The following PDE1C variants were observed in gnomAD, a reference collection of about 807,000 sequenced individuals.
PDE1C encodes phosphodiesterase 1C.
In PDE1C, 62 loss-of-function variants were observed where a neutral mutation model predicts 93.1. The ratio of observed to expected loss-of-function variants is 0.67; its 90% CI spans 0.54 to 0.82. The LOEUF is 0.82. Ranked by LOEUF, PDE1C falls within the 40% of genes least tolerant of loss-of-function variation. The pLI is 0.00. For missense variants in PDE1C, 742 were observed against 884.6 expected (o/e 0.84, Z 2.04); for synonymous variants, 325 against 310.1 (o/e 1.05, Z -0.50).
At chr7:31,962,222 T>C (rs1297882236) in intron 2 of PDE1C, among the ~76,000 whole-genome samples, 1 of 152,178 alleles carries the variant, frequency 6.6e-6, no homozygotes, top group Admixed American at 6.5e-5. Flanking sequence ...CCAGAGAGCA[T>C]TTCAAAGTAT....
At chr7:32,324,996 C>A (rs1439539837) in intron 1 of PDE1C, among the ~76,000 whole-genome samples, 1 of 152,194 alleles carries the variant, frequency 6.6e-6, no homozygotes, top group Non-Finnish European at 1.5e-5. Context: ...AAGATAGGAG[C>A]ATTTCCTAAA....
the PDE1C span, among the ~76,000 whole-genome samples, chr7:31,702,606 A>G: frequency 6.6e-6 from 1 of 151,910 alleles, no homozygotes; most frequent in Non-Finnish European, 1.5e-5. Flanking sequence ...AATACCCAAA[A>G]CTTTGTCATC....
intron 1 of PDE1C, among the ~76,000 whole-genome samples, chr7:32,244,714 G>A (rs1007386937): frequency 2.0e-5 from 3 of 152,160 alleles, no homozygotes; most frequent in Admixed American, 6.5e-5. Flanking sequence ...ATAAAAGCTC[G>A]TGATGTTCCG....
At chr7:32,326,768 G>T (rs558494264) in intron 1 of PDE1C, among the ~76,000 whole-genome samples, 1 of 152,194 alleles carries the variant, frequency 6.6e-6, no homozygotes, top group African/African-American at 2.4e-5. Context: ...GAGCAATGGG[G>T]TAGCAGCTGA....
At chr7:32,238,232 A>T (rs1808275835) in intron 1 of PDE1C, among the ~76,000 whole-genome samples, 1 of 152,218 alleles carries the variant, frequency 6.6e-6, no homozygotes, top group Admixed American at 6.5e-5. Flanking sequence ...TAACTTTTCA[A>T]ATGACATCTT....
At chr7:32,366,703 T>G (rs952379595) in intron 1 of PDE1C, among the ~76,000 whole-genome samples, 1 of 152,042 alleles carries the variant, frequency 6.6e-6, no homozygotes, top group Non-Finnish European at 1.5e-5. Context: ...GGAATTCCCA[T>G]TAGTCTAACA....
chr7:32,006,197 G>C (rs1430559263), intron 2 of PDE1C, among the ~76,000 whole-genome samples: 1 of 152,102 alleles, frequency 6.6e-6, no homozygotes, highest in South Asian at 2.1e-4. Context: ...ATTTTTTCAG[G>C]TAATTGATTT....
chr7:31,931,614 C>G (rs1216792549), intron 2 of PDE1C, among the ~76,000 whole-genome samples: 1 of 152,158 alleles, frequency 6.6e-6, no homozygotes, highest in Non-Finnish European at 1.5e-5. Context: ...GAAAAACATT[C>G]CATGCTCATG....
chr7:32,137,112 A>C (rs1055550910), intron 3 of PDE1C, among the ~76,000 whole-genome samples: 2 of 152,320 alleles, frequency 1.3e-5, no homozygotes, highest in Admixed American at 6.5e-5. Flanking sequence ...AGACTATCAT[A>C]GTGTTTTTAT....
Position 32,042,584 on chromosome 7 carries a change from T to C in PDE1C, c.128+8970A>G, listed in dbSNP as rs543672343. ...GTAGGGGGCCCTCTGGACATACCTA[T>C]GTGCTTGCCAAAGTTTGTGCTTTAG... On this transcript the variant is annotated intron_variant, in intron 2 of 17. Coordinates refer to ENST00000396191, the MANE Select transcript of PDE1C (RefSeq NM_001191057.4). Among the ~76,000 whole-genome samples, 138 of 152,340 alleles carry C rather than the reference T, an allele frequency of 9.1e-4. 1 individual carries two copies. The highest frequency in any genetic ancestry group is 5.8e-4 in the East Asian group (3 of 5,184).
At chr7:31,982,550 T>A (rs1310868772) in intron 2 of PDE1C, among the ~76,000 whole-genome samples, 1 of 143,864 alleles carries the variant, frequency 7.0e-6, no homozygotes, top group Non-Finnish European at 1.6e-5. Flanking sequence ...TAATTTCCTC[T>A]TTTTTTTTAG....
upstream of PDE1C, among the ~76,000 whole-genome samples, chr7:32,301,525 G>T (rs1359088529): frequency 1.3e-5 from 2 of 152,144 alleles, no homozygotes; most frequent in African/African-American, 2.4e-5. Context: ...CTTCTCCCCA[G>T]AATCATTATC....
chr7:32,116,616 A>G (rs1798998397), intron 3 of PDE1C, among the ~76,000 whole-genome samples: 1 of 152,090 alleles, frequency 6.6e-6, no homozygotes, highest in Non-Finnish European at 1.5e-5. Context: ...CTGATTCACC[A>G]CCTGGGGAGA....
At chr7:31,782,250 T>G (rs561495190) in intron 16 of PDE1C, among the ~76,000 whole-genome samples, 1 of 140,882 alleles carries the variant, frequency 7.1e-6, no homozygotes, top group East Asian at 2.0e-4. Context: ...CAATCCAATG[T>G]TGTGTGAACA....
intron 1 of PDE1C, among the ~76,000 whole-genome samples, chr7:32,342,485 A>G (rs539709978): frequency 4.6e-5 from 7 of 152,312 alleles, no homozygotes; most frequent in African/African-American, 9.6e-5. Flanking sequence ...ATCTAAAGTG[A>G]TATGTTTTTC....
chr7:31,833,719 A>G (rs116928433), intron 11 of PDE1C, among the ~76,000 whole-genome samples: 1,538 of 152,330 alleles, frequency 0.01, 13 homozygotes, highest in Non-Finnish European at 0.018. Flanking sequence ...TCTAAACAGG[A>G]AAACATTCAA....
chr7:31,902,579 A>AT (rs1374657121), intron 2 of PDE1C, among the ~76,000 whole-genome samples: 1 of 151,864 alleles, frequency 6.6e-6, no homozygotes, highest in East Asian at 1.9e-4. Context: ...TATTCATCTA[A>AT]TAAAATAAAT....
chr7:31,699,479 T>A, the PDE1C span, among the ~76,000 whole-genome samples: 1 of 152,206 alleles, frequency 6.6e-6, no homozygotes, highest in South Asian at 2.1e-4. Context: ...AATTTAAGAA[T>A]AATAGACAAC....
intron 2 of PDE1C, among the ~76,000 whole-genome samples, chr7:31,974,236 C>A (rs2129052066): frequency 6.6e-6 from 1 of 152,214 alleles, no homozygotes; most frequent in South Asian, 2.1e-4. Flanking sequence ...TGATTTTTAT[C>A]AGGACAGATA....
Sources: gnomAD v4.1 joint callset for allele counts (sites outside exome capture counted in the v4.1 genomes callset) on GRCh38, gnomAD v4.1.1 for gene constraint, MANE v1.5 for transcripts, NCBI Gene and HGNC (gene_info 2026-07-23, HGNC 2026-07-21) for gene names.